Variants in FAM135B observed in about 807,000 individuals in gnomAD.
The protein encoded by FAM135B is family with sequence similarity 135 member B, also known as protein FAM135B.
FAM135B carries 43 observed loss-of-function variants against 127.7 expected under a neutral mutation model. The ratio of observed to expected loss-of-function variants is 0.34; its 90% CI spans 0.26 to 0.43. The LOEUF (loss-of-function observed/expected upper bound fraction) is 0.43, where lower values mean the gene tolerates loss of function less well. Among genes scored for constraint, FAM135B ranks in the 20% least tolerant of loss-of-function variants. FAM135B has a pLI of 1.00. For synonymous variants in FAM135B, 670 were observed against 665.1 expected (o/e 1.01, Z -0.11); for missense variants, 1,558 against 1,725.6 (o/e 0.90, Z 1.72).
chr8:138,490,611 A>G (rs1587562559), intron 1 of FAM135B, among the ~76,000 whole-genome samples: 1 of 151,800 alleles, frequency 6.6e-6, no homozygotes, highest in East Asian at 1.9e-4. Flanking sequence ...AGCCTACACC[A>G]CTCTGCCTCT....
chr8:138,442,508 C>T (rs574895399), intron 1 of FAM135B, among the ~76,000 whole-genome samples: 1 of 151,716 alleles, frequency 6.6e-6, no homozygotes, highest in South Asian at 2.1e-4. Flanking sequence ...TTAGGTTAGA[C>T]CTCGCAGATC....
In FAM135B at chr8:138,241,269, T is replaced by C. The variant is rs1465777831; in HGVS notation, c.669+1673A>G. On this transcript the variant is annotated intron_variant, in intron 7 of 19. Coordinates refer to ENST00000395297, the MANE Select transcript of FAM135B (RefSeq NM_015912.4). The surrounding 1 kb of genome is among the most constrained non-coding windows in gnomAD (Gnocchi z 4.8). Reference sequence around the variant, plus strand: ...CACTTCCTATGTGCTGGGCCCTGCGTCAGTGCTAAGGACGTCAGGTTCTGA... The same window carrying C: ...CACTTCCTATGTGCTGGGCCCTGCGCCAGTGCTAAGGACGTCAGGTTCTGA... 6.6e-6 allele frequency among the ~76,000 whole-genome samples: 1 copy of C among 152,148 alleles called. No homozygotes were observed. Among genetic ancestry groups the C allele is most frequent in the Non-Finnish European group, 1.5e-5 (1 of 68,022 alleles).
chr8:138,360,189 T>G (rs541076818), intron 2 of FAM135B, among the ~76,000 whole-genome samples: 1 of 152,308 alleles, frequency 6.6e-6, no homozygotes, highest in East Asian at 1.9e-4. Context: ...AATTAATATT[T>G]AAAACCAAAT....
At chr8:138,447,232 TG>T in intron 1 of FAM135B, among the ~76,000 whole-genome samples, 1 of 152,296 alleles carries the variant, frequency 6.6e-6, no homozygotes, top group Non-Finnish European at 1.5e-5. Flanking sequence ...TCAACCATTG[TG>T]GAAGATAGTG....
chr8:138,195,075 C>A (rs1816499143), intron 9 of FAM135B, among the ~76,000 whole-genome samples, 183 bp downstream of exon 9: 1 of 152,192 alleles, frequency 6.6e-6, no homozygotes, highest in East Asian at 1.9e-4. Context: ...TAGCAAGGCA[C>A]ATACTTATAG....
chr8:138,305,731 G>A (rs1024038739), intron 3 of FAM135B, among the ~76,000 whole-genome samples: 8 of 152,104 alleles, frequency 5.3e-5, no homozygotes, highest in African/African-American at 1.9e-4. Context: ...AAAATTTGTT[G>A]AACTCAGATA....
intron 1 of FAM135B, among the ~76,000 whole-genome samples, chr8:138,435,912 T>C (rs547911745): frequency 6.6e-6 from 1 of 152,316 alleles, no homozygotes; most frequent in South Asian, 2.1e-4. Context: ...ACTGGGGATC[T>C]GGATTTAGCA....
At chr8:138,400,975 C>A (rs750390433) in intron 1 of FAM135B, among the ~76,000 whole-genome samples, 1 of 152,186 alleles carries the variant, frequency 6.6e-6, no homozygotes, top group African/African-American at 2.4e-5. Context: ...AAGGACTGTG[C>A]ACTTAAGAAA....
rs139427700 is a variant in FAM135B, at chr8:138,265,474, A to G, written c.297+229T>C. Among the ~76,000 whole-genome samples, 186 of 152,316 alleles carry G rather than the reference A, an allele frequency of 1.2e-3. 1 individual carries two copies. The highest frequency in any genetic ancestry group is 4.2e-3 in the African/African-American group (174 of 41,570). On this transcript the variant is annotated intron_variant, in intron 4 of 19. Coordinates refer to ENST00000395297, the MANE Select transcript of FAM135B (RefSeq NM_015912.4). ...AAGAAGAGACCCAGTAAATGAGTCA[A>G]TGGAGACTGTTTGCACTTGAGACTA...
intron 2 of FAM135B, among the ~76,000 whole-genome samples, chr8:138,340,481 T>G (rs907626): frequency 0.99 from 151,102 of 152,188 alleles, 75,018 homozygotes; most frequent in East Asian, 1. Flanking sequence ...CCACAAACAG[T>G]ACGCTGACAT....
rs1191820353 is a variant in FAM135B, at chr8:138,497,080, G to A, written c.-429C>T. Among the ~76,000 whole-genome samples the A allele has an allele frequency of 2.0e-5, 3 of 151,710 alleles. No homozygotes were observed. Among genetic ancestry groups the A allele is most frequent in the African/African-American group, 7.2e-5 (3 of 41,390 alleles). ...CGACCGGCTGCGCCCGCGCCGCTGG[G>A]CTGGCGCCTCCCGGGCTGCGCTCAC... On this transcript the variant is annotated 5_prime_UTR_variant, in exon 1 of 20. Transcript: ENST00000395297.
intron 1 of FAM135B, among the ~76,000 whole-genome samples, chr8:138,444,156 C>A (rs528410518): frequency 1.3e-5 from 2 of 152,180 alleles, no homozygotes; most frequent in African/African-American, 2.4e-5. Flanking sequence ...TAAAGCAAGT[C>A]CTTAGAGACC....
chr8:138,384,715 C>A (rs1377895898), intron 1 of FAM135B, among the ~76,000 whole-genome samples: 7 of 151,986 alleles, frequency 4.6e-5, no homozygotes, highest in African/African-American at 1.7e-4. Flanking sequence ...TGGAAGGAAA[C>A]ATAGGAAAGG....
intron 2 of FAM135B, among the ~76,000 whole-genome samples, chr8:138,358,913 G>A (rs1446201071): frequency 1.1e-4 from 16 of 152,044 alleles, no homozygotes; most frequent in South Asian, 2.1e-4. Flanking sequence ...GTCAATGTCC[G>A]GTCCCCTAGA....
At chr8:138,285,118 T>C (rs938805254) in intron 3 of FAM135B, among the ~76,000 whole-genome samples, 4 of 145,528 alleles carry the variant, frequency 2.7e-5, no homozygotes, top group Admixed American at 2.1e-4. Flanking sequence ...CTGGAAAACA[T>C]ATATTGGCTC....
intron 1 of FAM135B, among the ~76,000 whole-genome samples, chr8:138,458,529 G>A (rs1396961265): frequency 6.6e-6 from 1 of 152,198 alleles, no homozygotes; most frequent in Non-Finnish European, 1.5e-5. Flanking sequence ...TGGCAGGAAT[G>A]GCCATTAGAC....
At chr8:138,252,285 T>G (rs1821754459) in intron 5 of FAM135B, among the ~76,000 whole-genome samples, 1 of 152,218 alleles carries the variant, frequency 6.6e-6, no homozygotes, top group African/African-American at 2.4e-5. Context: ...TTATTCTGTT[T>G]GTAGAAAAGG....
At chr8:138,253,151 G>A (rs1821830690) in intron 5 of FAM135B, among the ~76,000 whole-genome samples, 1 of 152,056 alleles carries the variant, frequency 6.6e-6, no homozygotes, top group Non-Finnish European at 1.5e-5. Flanking sequence ...TTGTCTGGGT[G>A]GTCACAAGAG....
intron 3 of FAM135B, among the ~76,000 whole-genome samples, chr8:138,300,743 A>AT (rs1825821765): frequency 8.3e-5 from 8 of 96,042 alleles, no homozygotes; most frequent in South Asian, 3.2e-4. Context: ...CATTTTATCC[A>AT]CTTTTTTTTT....
Sources: allele counts gnomAD v4.1 joint callset (sites outside exome capture counted in the v4.1 genomes callset), GRCh38; gene constraint gnomAD v4.1.1; non-coding constraint Gnocchi (gnomAD v3.1); transcripts MANE v1.5; gene names NCBI Gene and HGNC (gene_info 2026-07-23, HGNC 2026-07-21).